ANK2: variants seen among roughly 807,000 people sequenced by gnomAD.
The protein encoded by ANK2 is ankyrin-2.
ANK2 carries 83 observed loss-of-function variants against 360.5 expected under a neutral mutation model. The observed-to-expected ratio is 0.23, with a 90% CI of 0.19 to 0.28. The LOEUF is 0.28. Among genes scored for constraint, ANK2 ranks in the 10% least tolerant of loss-of-function variants. The probability of loss-of-function intolerance (pLI) is 1.00; values close to 1 mark genes in which losing one functional copy is unlikely to be tolerated. For synonymous variants in ANK2, 1,740 were observed against 1,759.5 expected (o/e 0.99, Z 0.28); for missense variants, 4,201 against 4,795.7 (o/e 0.88, Z 3.66).
chr4:113,381,594 T>A lies in ANK2; in HGVS notation c.*123T>A. ...GACCTCCAGCGCGATCTCCAGCAGC[T>A]CCTTCGGCATTTCTGCAAGGAGGAC... On this transcript the variant is annotated 3_prime_UTR_variant, in exon 46 of 46. Transcript: ENST00000357077. 6.3e-7 allele frequency: 1 copy of A among 1,584,118 alleles called. No individual in the cohort carries two copies. Among genetic ancestry groups the A allele is most frequent in the East Asian group, 2.3e-5 (1 of 43,602 alleles).
the ANK2 span, among the ~76,000 whole-genome samples, chr4:112,760,829 T>G: frequency 2.7e-5 from 4 of 145,654 alleles, no homozygotes; most frequent in Admixed American, 6.9e-5. Context: ...TTTTTTGAGA[T>G]GGAGTCTTGC....
chr4:113,315,769 G>T (rs1486643282), intron 24 of ANK2, among the ~76,000 whole-genome samples: 2 of 151,840 alleles, frequency 1.3e-5, no homozygotes, highest in Non-Finnish European at 2.9e-5. Context: ...CGTGGTGGCA[G>T]GCGCCTGTAG....
chr4:113,189,461 A>G (rs2098612822), intron 2 of ANK2, among the ~76,000 whole-genome samples: 1 of 152,222 alleles, frequency 6.6e-6, no homozygotes, highest in African/African-American at 2.4e-5. Context: ...CACAATGTTT[A>G]GCAAACAATA....
the ANK2 span, among the ~76,000 whole-genome samples, chr4:112,735,288 G>A: frequency 1.2e-4 from 18 of 152,116 alleles, no homozygotes; most frequent in Admixed American, 1.2e-3. Context: ...CTGAGATTGT[G>A]CCACTGCACT....
rs777298092 is a variant in ANK2, at chr4:113,242,373, G to A, written c.891+164G>A. Among the ~76,000 whole-genome samples the A allele has an allele frequency of 1.8e-4, 28 of 152,242 alleles. 1 individual carries two copies. Among genetic ancestry groups the A allele is most frequent in the Admixed American group, 1.3e-3 (20 of 15,298 alleles). On this transcript the variant is annotated intron_variant, in intron 9 of 45. Coordinates refer to ENST00000357077, the MANE Select transcript of ANK2 (RefSeq NM_001148.6). ...ATACAACATTTAAAGGGTTCATACCGTACAGTGAAATTAATATTTGCTCAT... is the reference window on the plus strand; with the variant it reads ...ATACAACATTTAAAGGGTTCATACCATACAGTGAAATTAATATTTGCTCAT...
At chr4:113,158,119 A>C (rs1490251114) in intron 1 of ANK2, among the ~76,000 whole-genome samples, 1 of 152,204 alleles carries the variant, frequency 6.6e-6, no homozygotes, top group Non-Finnish European at 1.5e-5. Flanking sequence ...AGAAAAAGCA[A>C]GTTTAGATGG....
At chr4:113,142,096 T>C (rs2096652184) in intron 1 of ANK2, among the ~76,000 whole-genome samples, 1 of 152,188 alleles carries the variant, frequency 6.6e-6, no homozygotes, top group Admixed American at 6.5e-5. Flanking sequence ...TGAAAAACAG[T>C]GGTGACATTG....
intron 2 of ANK2, among the ~76,000 whole-genome samples, chr4:113,023,167 G>A (rs559345084): frequency 6.6e-6 from 1 of 152,300 alleles, no homozygotes; most frequent in South Asian, 2.1e-4. Flanking sequence ...GAGTATGAAT[G>A]AGAGGGAAAA....
At chr4:113,183,910 A>T (rs2098464381) in intron 2 of ANK2, among the ~76,000 whole-genome samples, 2 of 151,878 alleles carry the variant, frequency 1.3e-5, no homozygotes, top group Admixed American at 1.3e-4. Context: ...ATACAGGCTG[A>T]TGACATCAGG....
chr4:112,747,237 T>C, the ANK2 span, among the ~76,000 whole-genome samples: 3 of 152,204 alleles, frequency 2.0e-5, no homozygotes, highest in Non-Finnish European at 4.4e-5. Context: ...ATCAAAGGAA[T>C]TTATTTTAAT....
At position 113,359,140 on chromosome 4, in the gene ANK2, A is replaced by G. The variant is rs1358675627; in HGVS notation, c.10522A>G (p.Ser3508Gly). The change falls in exon 38 of 46, where the codon AGT (serine) becomes GGT (glycine). Residue 3508 changes from serine (S) to glycine (G), a missense_variant. Coordinates refer to ENST00000357077, the MANE Select transcript of ANK2 (RefSeq NM_001148.6). ...GGAAATAGTTTCAGACGATGAAAGT[A>G]GTAGTGCCCTGGAAGTATCAGTAAT... ...EQEIVSDDESSSALEVSVIEN... is the reference protein window; with the variant it reads ...EQEIVSDDESGSALEVSVIEN... The G allele has an allele frequency of 3.1e-6, 5 of 1,613,924 alleles. No homozygotes were observed. In the African/African-American group the frequency reaches 5.3e-5, roughly 17 times the overall value.
chr4:113,083,813 GT>G (rs1055261091), intron 1 of ANK2, among the ~76,000 whole-genome samples: 1 of 151,962 alleles, frequency 6.6e-6, no homozygotes, highest in Admixed American at 6.6e-5. Flanking sequence ...AATTAATAGA[GT>G]TTTTTTTCTG....
intron 2 of ANK2, among the ~76,000 whole-genome samples, chr4:112,934,993 T>A (rs1483913532): frequency 6.6e-6 from 1 of 152,282 alleles, no homozygotes; most frequent in African/African-American, 2.4e-5. Flanking sequence ...ATCTTCCATA[T>A]TTAGGGAACA....
At chr4:112,828,739 C>A (rs146248517) in intron 1 of ANK2, among the ~76,000 whole-genome samples, 1 of 152,232 alleles carries the variant, frequency 6.6e-6, no homozygotes, top group Non-Finnish European at 1.5e-5. Flanking sequence ...AGTAAACAGA[C>A]AACCTCCAGA....
intron 1 of ANK2, among the ~76,000 whole-genome samples, chr4:112,876,947 C>T (rs951632777): frequency 1.3e-5 from 2 of 152,106 alleles, no homozygotes; most frequent in Non-Finnish European, 2.9e-5. Context: ...TGACATGGAA[C>T]TGCTTTCTCA....
upstream of ANK2, among the ~76,000 whole-genome samples, chr4:112,815,658 T>C (rs1160611534): frequency 2.6e-5 from 4 of 152,204 alleles, no homozygotes; most frequent in South Asian, 2.1e-4. Context: ...CACACCTCCA[T>C]AGAGGGGAGG....
chr4:112,743,856 CT>C, the ANK2 span, among the ~76,000 whole-genome samples: 3 of 147,164 alleles, frequency 2.0e-5, no homozygotes, highest in Admixed American at 6.8e-5. Flanking sequence ...CTTTTATTTT[CT>C]TTTTTTTTCT....
chr4:112,774,223 T>C, the ANK2 span, among the ~76,000 whole-genome samples: 4 of 151,912 alleles, frequency 2.6e-5, no homozygotes, highest in South Asian at 2.1e-4. Flanking sequence ...CCATGTATTG[T>C]AAGATATAAA....
intron 1 of ANK2, among the ~76,000 whole-genome samples, chr4:113,078,856 A>T (rs1225118033): frequency 2.0e-5 from 3 of 152,268 alleles, no homozygotes; most frequent in African/African-American, 7.2e-5. Context: ...TCACATAAAA[A>T]TAATGCAAAC....
Sources: allele counts gnomAD v4.1 joint callset (sites outside exome capture counted in the v4.1 genomes callset), GRCh38; gene constraint gnomAD v4.1.1; transcripts MANE v1.5; gene names NCBI Gene and HGNC (gene_info 2026-07-23, HGNC 2026-07-21).